NKIRAS1: variants seen among roughly 807,000 people sequenced by gnomAD.
NKIRAS1 encodes the protein NFKB inhibitor interacting Ras like 1.
Under a neutral mutation model 19.8 loss-of-function variants are expected in NKIRAS1, and 16 were observed. The ratio of observed to expected loss-of-function variants is 0.81; its 90% CI spans 0.55 to 1.23. The LOEUF (loss-of-function observed/expected upper bound fraction) is 1.23. NKIRAS1 is among the 50% of genes most tolerant of loss of function. The probability of loss-of-function intolerance (pLI) is 0.00; values close to 1 mark genes in which losing one functional copy is unlikely to be tolerated. For synonymous variants in NKIRAS1, 88 were observed against 79.0 expected (o/e 1.11, Z -0.61); for missense variants, 184 against 220.0 (o/e 0.84, Z 1.04).
rs1181199972 is a variant in NKIRAS1, at chr3:23,910,915, G to A, written c.-11C>T. On this transcript the variant is annotated 5_prime_UTR_variant, in exon 3 of 5. Coordinates refer to ENST00000425478, the MANE Select transcript of NKIRAS1 (RefSeq NM_020345.4). ...GCAGCCCTTTCCCATCTTCTCTCAG[G>A]ATATCACTGTGGAGAGAATAACAGG... 3 of 1,610,616 alleles carry A rather than the reference G, an allele frequency of 1.9e-6. No individual in the cohort carries two copies. The highest frequency in any genetic ancestry group is 1.3e-5 in the African/African-American group (1 of 74,838).
Position 23,909,590 on chromosome 3 carries a change from C to T in NKIRAS1, c.94+1221G>A, listed in dbSNP as rs150828779. Among the ~76,000 whole-genome samples, 3 of 152,298 alleles carry T rather than the reference C, an allele frequency of 2.0e-5. No individual in the cohort carries two copies. In the East Asian group the frequency reaches 5.8e-4, roughly 29 times the overall value. On this transcript the variant is annotated intron_variant, in intron 3 of 4. Transcript: ENST00000425478. ...AAAATGCTTTGATGATCTCTGTTTA[C>T]TTATCTAACACAAACGTCATTTCAT...
intron 1 of NKIRAS1, among the ~76,000 whole-genome samples, chr3:23,931,474 T>C (rs1705314431): frequency 1.3e-5 from 2 of 152,228 alleles, no homozygotes; most frequent in South Asian, 2.1e-4. Context: ...CTGGATTCTT[T>C]ACTTAAATTT....
chr3:23,917,694 T>A, upstream of NKIRAS1: 1 of 684,454 alleles, frequency 1.5e-6, no homozygotes. Context: ...GTGGGCGCAG[T>A]GGTGGGGGTT....
rs968656024 is a variant in NKIRAS1 at position 23,926,255 on chromosome 3, T to C, written c.-139-14805A>G. Among the ~76,000 whole-genome samples the C allele has an allele frequency of 2.0e-5, 3 of 152,216 alleles. No individual in the cohort carries two copies. Among genetic ancestry groups the C allele is most frequent in the African/African-American group, 7.2e-5 (3 of 41,444 alleles). On this transcript the variant is annotated intron_variant, in intron 1 of 4. Transcript: ENST00000421515. The surrounding 1 kb of genome is among the most constrained non-coding windows in gnomAD (Gnocchi z 4.3). ...TTAGTAGAGACAGGGTTTCGCCGTG[T>C]TGGCCAGGCTGGTCTCAAACGCCTG...
intron 3 of NKIRAS1, among the ~76,000 whole-genome samples, chr3:23,904,149 A>C (rs1225239970): frequency 2.0e-5 from 3 of 151,922 alleles, no homozygotes; most frequent in Admixed American, 2.0e-4. Flanking sequence ...CGAGTAAAAA[A>C]AGAAAAAGAA....
chr3:23,946,218 C>T (rs985475658), intron 1 of NKIRAS1: 17 of 985,308 alleles, frequency 1.7e-5, no homozygotes, highest in Non-Finnish European at 1.9e-5. Context: ...GCGCTGACAC[C>T]GCAGTGCACC....
At chr3:23,914,717 A>T (rs1448674347) in intron 1 of NKIRAS1, among the ~76,000 whole-genome samples, 1 of 152,238 alleles carries the variant, frequency 6.6e-6, no homozygotes, top group East Asian at 1.9e-4. Context: ...CTGGAAACAC[A>T]AATCCAAATC....
chr3:23,890,699 G>T lies in NKIRAS1; in HGVS notation c.*2396C>A. On this transcript the variant is annotated 3_prime_UTR_variant, in exon 5 of 5. Coordinates refer to ENST00000425478, the MANE Select transcript of NKIRAS1 (RefSeq NM_020345.4). ...GTCAGGGAGGGTGGGAGTTGGTAAAGAGTAGGGTATTTCTATAACAGATAT... is the reference window on the plus strand; with the variant it reads ...GTCAGGGAGGGTGGGAGTTGGTAAATAGTAGGGTATTTCTATAACAGATAT... 6 of 1,111,928 alleles carry T rather than the reference G, an allele frequency of 5.4e-6. No individual in the cohort carries two copies. The highest frequency in any genetic ancestry group is 1.6e-5 in the African/African-American group (1 of 63,236). 68.9% of individuals were successfully genotyped at this position (1,111,928 alleles called of 1,614,324 possible).
At position 23,895,696 on chromosome 3, in the gene NKIRAS1, C is replaced by T. The variant is rs553885779; in HGVS notation, c.337-2359G>A. Reference sequence around the variant, plus strand: ...TGATCTCAAATGAACTGATGTTCTCCGGCAAATGTATTACATTTTCTCCAT... The same window carrying T: ...TGATCTCAAATGAACTGATGTTCTCTGGCAAATGTATTACATTTTCTCCAT... On this transcript the variant is annotated intron_variant, in intron 4 of 4. Coordinates refer to ENST00000425478, the MANE Select transcript of NKIRAS1 (RefSeq NM_020345.4). Among the ~76,000 whole-genome samples, 9 of 152,254 alleles carry T rather than the reference C, an allele frequency of 5.9e-5. No individual in the cohort carries two copies. The South Asian group carries it at 1.2e-3, about 21-fold the overall frequency.
At chr3:23,919,476 C>T (rs1704948394), upstream of NKIRAS1, 2 of 1,589,158 alleles carry the variant, frequency 1.3e-6, no homozygotes, top group East Asian at 2.2e-5. Context: ...AGGCGCAATA[C>T]TCTCCAGCTC....
intron 1 of NKIRAS1, among the ~76,000 whole-genome samples, chr3:23,933,486 A>G (rs1344212700): frequency 6.6e-6 from 1 of 152,210 alleles, no homozygotes; most frequent in African/African-American, 2.4e-5. Context: ...ACATACTACA[A>G]TGCACAGACA....
chr3:23,909,840 G>C, intron 3 of NKIRAS1, among the ~76,000 whole-genome samples: 1 of 150,528 alleles, frequency 6.6e-6, no homozygotes, highest in African/African-American at 2.4e-5. Flanking sequence ...CAGCAGCTCT[G>C]CAAAGTTGTT....
rs1705224633 is a variant in NKIRAS1 at position 23,927,019 on chromosome 3, C to T, written c.-139-15569G>A. 6.6e-6 allele frequency among the ~76,000 whole-genome samples: 1 copy of T among 152,294 alleles called. No homozygotes were observed. The highest frequency in any genetic ancestry group is 1.5e-5 in the Non-Finnish European group (1 of 68,034). On this transcript the variant is annotated intron_variant, in intron 1 of 4. Coordinates refer to the NKIRAS1 transcript ENST00000421515. The surrounding 1 kb of genome is among the most constrained non-coding windows in gnomAD (Gnocchi z 4.0). ...GCAGTTTTTAACCAAGCAACACTCTCCACAGCCCCAACATCATTCCAGTTC... is the reference window on the plus strand; with the variant it reads ...GCAGTTTTTAACCAAGCAACACTCTTCACAGCCCCAACATCATTCCAGTTC...
At chr3:23,919,736 G>A, upstream of NKIRAS1, 1 of 1,323,456 alleles carries the variant, frequency 7.6e-7, no homozygotes, top group South Asian at 2.1e-5. Context: ...GTATGTCAGT[G>A]TATAAAACAT....
chr3:23,910,584 T>C (rs920287019), intron 3 of NKIRAS1, among the ~76,000 whole-genome samples: 1 of 152,222 alleles, frequency 6.6e-6, no homozygotes, highest in Non-Finnish European at 1.5e-5. Flanking sequence ...TCTATCTATA[T>C]TGGCCATTTC....
upstream of NKIRAS1, chr3:23,921,795 G>A (rs968038264): frequency 1.1e-4 from 64 of 572,090 alleles, no homozygotes; most frequent in African/African-American, 6.6e-4. Context: ...GGCTGGTCTC[G>A]AACTCCTGAC....
intron 4 of NKIRAS1, among the ~76,000 whole-genome samples, chr3:23,898,832 CA>C (rs2125369943): frequency 6.6e-6 from 1 of 152,288 alleles, no homozygotes; most frequent in Non-Finnish European, 1.5e-5. Flanking sequence ...GGCCACACAA[CA>C]GGAGGTGAGC....
intron 1 of NKIRAS1, among the ~76,000 whole-genome samples, chr3:23,914,135 G>T (rs1422833112): frequency 6.7e-6 from 1 of 149,220 alleles, no homozygotes; most frequent in African/African-American, 2.5e-5. Context: ...AACATTGCTA[G>T]AGAATAAATA....
chr3:23,891,844 CTATG>C lies in NKIRAS1; in HGVS notation c.*1247_*1250del, dbSNP rs1364313834. ...AATCATTATGAAAGCATTTGTCCAT[CTATG>C]TAACATGCATGGGTGGGAAGCTAGA... On this transcript the variant is annotated 3_prime_UTR_variant, in exon 5 of 5. Transcript: ENST00000425478. 3.3e-5 allele frequency: 5 copies of C among 152,174 alleles called. No homozygotes were observed. In the East Asian group the frequency reaches 9.6e-4, roughly 29 times the overall value. 9.4% of individuals were successfully genotyped at this position (152,174 alleles called of 1,614,324 possible).
Sources: gnomAD v4.1 joint callset for allele counts (sites outside exome capture counted in the v4.1 genomes callset) on GRCh38, gnomAD v4.1.1 for gene constraint, Gnocchi (gnomAD v3.1) non-coding constraint, MANE v1.5 for transcripts, NCBI Gene and HGNC (gene_info 2026-07-23, HGNC 2026-07-21) for gene names.